The following SDK1 variants were observed in gnomAD, a reference collection of about 807,000 sequenced individuals.
The protein encoded by SDK1 is protein sidekick-1.
A neutral mutation model predicts 245.5 loss-of-function variants in SDK1; 157 were observed. The observed-to-expected ratio is 0.64, with a 90% CI of 0.56 to 0.73. The LOEUF (loss-of-function observed/expected upper bound fraction) is 0.73. SDK1 is among the 30% of genes least tolerant of loss of function. The pLI is 0.00. For synonymous variants in SDK1, 1,647 were observed against 1,278.5 expected (o/e 1.29, Z -6.15); for missense variants, 3,583 against 3,002.3 (o/e 1.19, Z -4.52).
intron 1 of SDK1, among the ~76,000 whole-genome samples, chr7:3,440,787 A>G (rs1364233845): frequency 6.6e-6 from 1 of 152,196 alleles, no homozygotes; most frequent in African/African-American, 2.4e-5. Flanking sequence ...TTGCTGTTGC[A>G]CCTCAAACTG....
intron 28 of SDK1, among the ~76,000 whole-genome samples, chr7:4,135,572 C>G (rs545392373): frequency 1.3e-5 from 2 of 152,350 alleles, no homozygotes; most frequent in East Asian, 3.9e-4. Flanking sequence ...GCATCACGGA[C>G]AAGTAGGCCG....
chr7:3,790,323 T>G (rs1269288440), intron 4 of SDK1, among the ~76,000 whole-genome samples: 1 of 152,164 alleles, frequency 6.6e-6, no homozygotes, highest in East Asian at 1.9e-4. Flanking sequence ...TAACACATGG[T>G]AAAGCCCCTC....
intron 1 of SDK1, among the ~76,000 whole-genome samples, chr7:3,418,138 T>TAA (rs1189108400): frequency 2.3e-5 from 1 of 42,814 alleles, no homozygotes; most frequent in African/African-American, 2.1e-4. Context: ...CGATCTCTAC[T>TAA]AAAAATGAAA....
At chr7:3,751,050 G>T (rs1282249149) in intron 4 of SDK1, among the ~76,000 whole-genome samples, 3 of 152,030 alleles carry the variant, frequency 2.0e-5, no homozygotes, top group African/African-American at 7.2e-5. Context: ...CAATACCTTC[G>T]AGCTCCACCC....
chr7:3,483,191 AAAC>A (rs1275189258), intron 1 of SDK1, among the ~76,000 whole-genome samples: 1 of 152,226 alleles, frequency 6.6e-6, no homozygotes, highest in Non-Finnish European at 1.5e-5. Flanking sequence ...ACTTTGTTAA[AAAC>A]TGACATCTTT....
At chr7:3,453,016 C>A (rs1389866640) in intron 1 of SDK1, among the ~76,000 whole-genome samples, 1 of 152,150 alleles carries the variant, frequency 6.6e-6, no homozygotes, top group Non-Finnish European at 1.5e-5. Flanking sequence ...ACTGCCATCC[C>A]CGTCTTGCCA....
chr7:3,633,377 G>A (rs965172881), intron 2 of SDK1, among the ~76,000 whole-genome samples: 3 of 152,126 alleles, frequency 2.0e-5, no homozygotes, highest in South Asian at 4.2e-4. Flanking sequence ...TGACGCTGTG[G>A]TTTTGGCCTG....
chr7:3,496,244 T>C (rs540262962), intron 1 of SDK1, among the ~76,000 whole-genome samples: 1 of 152,252 alleles, frequency 6.6e-6, no homozygotes, highest in African/African-American at 2.4e-5. Flanking sequence ...AGTTAGCATA[T>C]CTGAGGCTCC....
At position 3,423,062 on chromosome 7, in the gene SDK1, C is replaced by T. The variant is rs139651726; in HGVS notation, c.298+121178C>T. Among the ~76,000 whole-genome samples, 4 of 152,132 alleles carry T rather than the reference C, an allele frequency of 2.6e-5. No individual in the cohort carries two copies. The East Asian group carries it at 7.7e-4, about 29-fold the overall frequency. ...CCTTTTAAAATATTTCCTTTTAACT[C>T]TTAAATTGAAAAGTCTAGGGAATAA... On this transcript the variant is annotated intron_variant, in intron 1 of 44. Transcript: ENST00000404826.
intron 4 of SDK1, among the ~76,000 whole-genome samples, chr7:3,697,553 ATT>A (rs1465080275): frequency 2.0e-5 from 3 of 151,986 alleles, no homozygotes; most frequent in Non-Finnish European, 4.4e-5. Flanking sequence ...TTTTTGAGTC[ATT>A]TTTGTCTCAC....
At chr7:4,056,964 G>T (rs1340036439) in intron 19 of SDK1, among the ~76,000 whole-genome samples, 1 of 152,134 alleles carries the variant, frequency 6.6e-6, no homozygotes, top group South Asian at 2.1e-4. Context: ...GCTGGCTGCT[G>T]CCACCAGAGG....
chr7:4,188,679 C>CAA (rs61628512), intron 35 of SDK1, among the ~76,000 whole-genome samples: 9 of 136,490 alleles, frequency 6.6e-5, no homozygotes, highest in South Asian at 2.4e-4. Context: ...ACTCTTTCAT[C>CAA]AAAAAAAAAA....
chr7:3,552,489 A>G (rs962303140), intron 1 of SDK1, among the ~76,000 whole-genome samples: 1 of 152,174 alleles, frequency 6.6e-6, no homozygotes, highest in East Asian at 1.9e-4. Context: ...CTAGGCTGAC[A>G]TACTCTGAAA....
intron 4 of SDK1, among the ~76,000 whole-genome samples, chr7:3,678,543 G>C (rs1385755636): frequency 5.9e-5 from 9 of 152,330 alleles, no homozygotes; most frequent in African/African-American, 2.2e-4. Context: ...AACACCCATT[G>C]TGTGGTTTCA....
intron 14 of SDK1, among the ~76,000 whole-genome samples, chr7:3,994,930 G>C (rs1156287451): frequency 1.3e-5 from 2 of 152,214 alleles, no homozygotes; most frequent in East Asian, 1.9e-4. Flanking sequence ...AAGCCTTCCA[G>C]AGGATCTGCA....
At chr7:4,223,007 C>A (rs1354556145) in intron 40 of SDK1, among the ~76,000 whole-genome samples, 1 of 151,974 alleles carries the variant, frequency 6.6e-6, no homozygotes, top group Admixed American at 6.6e-5. Flanking sequence ...CAGACACTTT[C>A]CTCCCCATAT....
intron 1 of SDK1, among the ~76,000 whole-genome samples, chr7:3,353,750 C>T (rs1459945281): frequency 1.3e-5 from 2 of 152,176 alleles, no homozygotes; most frequent in Non-Finnish European, 2.9e-5. Flanking sequence ...TTAAAGGGAG[C>T]ATGCTTCCTT....
chr7:3,392,443 TA>T (rs1429462242), intron 1 of SDK1, among the ~76,000 whole-genome samples: 1 of 152,124 alleles, frequency 6.6e-6, no homozygotes, highest in East Asian at 1.9e-4. Context: ...TTTATGGTGG[TA>T]AAATATATAT....
chr7:3,696,212 C>A (rs1784568572), intron 4 of SDK1, among the ~76,000 whole-genome samples: 1 of 152,112 alleles, frequency 6.6e-6, no homozygotes, highest in South Asian at 2.1e-4. Context: ...CTGTGAGACT[C>A]CCCTAAGCTC....
Sources: allele counts gnomAD v4.1 joint callset (sites outside exome capture counted in the v4.1 genomes callset), GRCh38; gene constraint gnomAD v4.1.1; transcripts MANE v1.5; gene names NCBI Gene and HGNC (gene_info 2026-07-23, HGNC 2026-07-21).